Variants in OSBPL11 observed in about 807,000 individuals in gnomAD.
The protein encoded by OSBPL11 is oxysterol-binding protein-related protein 11.
Under a neutral mutation model 84.4 loss-of-function variants are expected in OSBPL11, and 33 were observed. That is an observed-to-expected ratio of 0.39 (90% CI 0.30 to 0.52). OSBPL11 has a LOEUF of 0.52. OSBPL11 is among the 20% of genes least tolerant of loss of function. The probability of loss-of-function intolerance (pLI) is 0.72; values close to 1 mark genes in which losing one functional copy is unlikely to be tolerated. For missense variants in OSBPL11, 736 were observed against 901.1 expected (o/e 0.82, Z 2.35); for synonymous variants, 276 against 310.2 (o/e 0.89, Z 1.16).
intron 11 of OSBPL11, among the ~76,000 whole-genome samples, chr3:125,535,509 C>T (rs563825803): frequency 3.4e-4 from 46 of 134,438 alleles, no homozygotes; most frequent in Non-Finnish European, 4.9e-4. Context: ...AGTGGTTCAA[C>T]GGCGGCTCAC....
chr3:125,555,784 A>G (rs1004214092), intron 8 of OSBPL11, among the ~76,000 whole-genome samples: 1 of 152,070 alleles, frequency 6.6e-6, no homozygotes, highest in Admixed American at 6.6e-5. Context: ...TCCCAGGTTC[A>G]AGTGATTCCT....
chr3:125,566,092 G>T (rs1398924933), intron 6 of OSBPL11, among the ~76,000 whole-genome samples: 1 of 152,046 alleles, frequency 6.6e-6, no homozygotes, highest in African/African-American at 2.4e-5. Context: ...TGCACCCTCC[G>T]CCTCCTGGGT....
intron 1 of OSBPL11, among the ~76,000 whole-genome samples, chr3:125,587,249 G>T (rs960321598): frequency 6.6e-6 from 1 of 152,172 alleles, no homozygotes; most frequent in African/African-American, 2.4e-5. Flanking sequence ...GAAAGGACAA[G>T]AGCAACACTC....
At position 125,552,319 on chromosome 3, in the gene OSBPL11, C is replaced by A. The variant is rs1009615592; in HGVS notation, c.1516G>T (p.Ala506Ser). 15 of 1,614,084 alleles carry A rather than the reference C, an allele frequency of 9.3e-6. No homozygotes were observed. The East Asian group carries it at 3.1e-4, about 34-fold the overall frequency. The part of the protein sequence containing the change: ...GSDCYTVRFV[A>S]EQVSHHPPVS... ...GGAGGATGATGAGAAACCTGCTCAG[C>A]AACAAATCTGACTGTGTAACAGTCT... Residue 506 changes from alanine to serine, a missense_variant, in exon 9 of 13, where the codon GCT (alanine) becomes TCT (serine). Around this residue, in one of 3 missense-constraint regions of OSBPL11, gnomAD observed 579 missense variants for 717.6 expected, o/e 0.81. Coordinates refer to ENST00000296220, the MANE Select transcript of OSBPL11 (RefSeq NM_022776.5).
chr3:125,542,038 CAAATAA>C (rs1286014889), intron 10 of OSBPL11, among the ~76,000 whole-genome samples: 1 of 152,096 alleles, frequency 6.6e-6, no homozygotes, highest in Non-Finnish European at 1.5e-5. Context: ...CTATGATATA[CAAATAA>C]AAGTTAGGTA....
rs1936450819 is a variant in OSBPL11, at chr3:125,582,991, G to GA, written c.165-14dup. 12 of 1,564,700 alleles carry GA rather than the reference G, an allele frequency of 7.7e-6. No individual in the cohort carries two copies. The highest frequency in any genetic ancestry group is 1.4e-5 in the African/African-American group (1 of 71,742). ...TTCCATGTGATCACTATTTCAAAATGAAAAAGCCAAAGTTAGTAAAAATTA... is the reference window on the plus strand; with the variant it reads ...TTCCATGTGATCACTATTTCAAAATGAAAAAAGCCAAAGTTAGTAAAAATTA... On this transcript the variant is annotated splice_polypyrimidine_tract_variant and intron_variant, in intron 1 of 12. Coordinates refer to ENST00000296220, the MANE Select transcript of OSBPL11 (RefSeq NM_022776.5).
intron 8 of OSBPL11, among the ~76,000 whole-genome samples, chr3:125,553,238 C>T (rs573528921): frequency 2.0e-5 from 3 of 152,284 alleles, no homozygotes; most frequent in Admixed American, 1.3e-4. Flanking sequence ...AAAAGTATCA[C>T]CAGGGAAATG....
chr3:125,535,088 T>C (rs957647640), intron 11 of OSBPL11, among the ~76,000 whole-genome samples: 1 of 151,924 alleles, frequency 6.6e-6, no homozygotes, highest in Non-Finnish European at 1.5e-5. Context: ...TCTGGTTTTT[T>C]GTGTAAAATT....
chr3:125,551,333 T>A (rs1486777447), intron 9 of OSBPL11, among the ~76,000 whole-genome samples: 1 of 151,534 alleles, frequency 6.6e-6, no homozygotes, highest in Non-Finnish European at 1.5e-5. Context: ...TTATTAATTC[T>A]AATTTTATAA....
intron 7 of OSBPL11, among the ~76,000 whole-genome samples, chr3:125,560,803 G>T (rs1483149682): frequency 6.6e-6 from 1 of 152,072 alleles, no homozygotes; most frequent in Non-Finnish European, 1.5e-5. Context: ...AAAGAGTGAA[G>T]AATGTCTCCT....
At chr3:125,588,498 C>G (rs1270870636) in intron 1 of OSBPL11, among the ~76,000 whole-genome samples, 2 of 152,046 alleles carry the variant, frequency 1.3e-5, no homozygotes, top group East Asian at 3.9e-4. Context: ...TTCTATTTTC[C>G]TGGAAAAGCC....
intron 10 of OSBPL11, among the ~76,000 whole-genome samples, chr3:125,546,808 T>C (rs1935824626): frequency 2.6e-5 from 4 of 151,878 alleles, no homozygotes; most frequent in Admixed American, 2.6e-4. Flanking sequence ...AAAAATCGCT[T>C]GAACCCAGGA....
At chr3:125,592,811 T>C (rs1021439141) in intron 1 of OSBPL11, among the ~76,000 whole-genome samples, 1 of 151,758 alleles carries the variant, frequency 6.6e-6, no homozygotes, top group African/African-American at 2.4e-5. Context: ...AAAACACATA[T>C]GTAGATGTTT....
At chr3:125,579,082 G>A in intron 3 of OSBPL11, 43 bp from the exon 4 acceptor site, 2 of 1,362,552 alleles carry the variant, frequency 1.5e-6, no homozygotes, top group South Asian at 1.3e-5. Context: ...TATTTATTCT[G>A]GAACACAATT....
intron 5 of OSBPL11, among the ~76,000 whole-genome samples, chr3:125,575,700 T>A (rs1008055616): frequency 2.0e-5 from 3 of 147,784 alleles, no homozygotes; most frequent in Non-Finnish European, 3.0e-5. Flanking sequence ...CAGCTAAAAT[T>A]AAAAAAAAAA....
In OSBPL11 at chr3:125,591,352, T is replaced by C. The variant is rs1936592686; in HGVS notation, c.164+3285A>G. On this transcript the variant is annotated intron_variant, in intron 1 of 12. Coordinates refer to ENST00000296220, the MANE Select transcript of OSBPL11 (RefSeq NM_022776.5). ...GTTTCTGAAGAACAGTGAAAAGTGATGTGAATTCACCTCAGTGCTTAGGTT... is the reference window on the plus strand; with the variant it reads ...GTTTCTGAAGAACAGTGAAAAGTGACGTGAATTCACCTCAGTGCTTAGGTT... 3.3e-5 allele frequency among the ~76,000 whole-genome samples: 5 copies of C among 152,230 alleles called. No individual in the cohort carries two copies. In the South Asian group the frequency reaches 1.0e-3, roughly 32 times the overall value.
intron 8 of OSBPL11, among the ~76,000 whole-genome samples, chr3:125,554,099 C>A (rs1187916128): frequency 6.6e-6 from 1 of 152,124 alleles, no homozygotes; most frequent in Non-Finnish European, 1.5e-5. Flanking sequence ...GTATGGAAAG[C>A]AATTAGATGC....
chr3:125,564,294 A>G (rs1028931655), intron 6 of OSBPL11, among the ~76,000 whole-genome samples: 26 of 152,332 alleles, frequency 1.7e-4, no homozygotes, highest in Non-Finnish European at 3.4e-4. Flanking sequence ...TGTCTAACCA[A>G]TCAAAATAAT....
chr3:125,543,625 A>G lies in OSBPL11; in HGVS notation c.1841+3781T>C, dbSNP rs181054242. Among the ~76,000 whole-genome samples the G allele has an allele frequency of 2.1e-3, 321 of 152,264 alleles. 2 individuals are homozygous for G. Among genetic ancestry groups the G allele is most frequent in the African/African-American group, 7.3e-3 (302 of 41,572 alleles). On this transcript the variant is annotated intron_variant, in intron 10 of 12. Transcript: ENST00000296220. ...CTCAAAGCAACCATTTTGGGTGGGC[A>G]CAGTGGCTCAAACACCTGTAATCCC...
Sources: allele counts gnomAD v4.1 joint callset (sites outside exome capture counted in the v4.1 genomes callset), GRCh38; gene constraint gnomAD v4.1.1; regional missense constraint gnomAD v4.1.1; transcripts MANE v1.5; gene names NCBI Gene and HGNC (gene_info 2026-07-23, HGNC 2026-07-21).